The following GLIS3 variants were observed in gnomAD, a reference collection of about 807,000 sequenced individuals.
GLIS3 encodes the protein GLIS family zinc finger 3.
GLIS3 carries 53 observed loss-of-function variants against 78.6 expected under a neutral mutation model. That is an observed-to-expected ratio of 0.67 (90% CI 0.54 to 0.85). The LOEUF is 0.85. Ranked by LOEUF, GLIS3 falls within the 40% of genes least tolerant of loss-of-function variation. The pLI is 0.00. For synonymous variants in GLIS3, 684 were observed against 509.9 expected, an observed-to-expected ratio of 1.34 and a Z score of -4.60; for missense variants, 1,703 against 1,231.1, an observed-to-expected ratio of 1.38 and a Z score of -5.74.
chr9:4,021,867 A>C (rs474546), intron 4 of GLIS3, among the ~76,000 whole-genome samples: 3 of 152,096 alleles, frequency 2.0e-5, no homozygotes, highest in African/African-American at 7.3e-5. Flanking sequence ...CGGGCACAAC[A>C]TATCTCTAAC....
At chr9:4,110,737 C>G (rs1197234871) in intron 4 of GLIS3, among the ~76,000 whole-genome samples, 1 of 152,170 alleles carries the variant, frequency 6.6e-6, no homozygotes, top group Non-Finnish European at 1.5e-5. Flanking sequence ...CAAGCATTGT[C>G]TTATTGATGG....
chr9:3,873,139 C>T (rs1021069618), intron 8 of GLIS3, among the ~76,000 whole-genome samples: 2 of 152,122 alleles, frequency 1.3e-5, no homozygotes, highest in African/African-American at 4.8e-5. Flanking sequence ...AGATTCACAG[C>T]AAAATTCTAC....
chr9:4,254,909 A>T (rs1824771240), intron 2 of GLIS3, among the ~76,000 whole-genome samples: 1 of 152,208 alleles, frequency 6.6e-6, no homozygotes, highest in African/African-American at 2.4e-5. Flanking sequence ...TAAAGACAGA[A>T]GCCACAGACT....
intron 8 of GLIS3, among the ~76,000 whole-genome samples, chr9:3,876,655 AGAAAGAG>A (rs1563802928): frequency 4.8e-4 from 2 of 4,154 alleles, no homozygotes; most frequent in Non-Finnish European, 3.9e-4. Flanking sequence ...AGAGAGAGAG[AGAAAGAG>A]AGAGAGAAAG....
chr9:4,485,217 G>T, the GLIS3 span, among the ~76,000 whole-genome samples: 218 of 152,184 alleles, frequency 1.4e-3, no homozygotes, highest in Admixed American at 4.1e-3. Context: ...GTTTCACCAT[G>T]TTGGCCAGGC....
intron 4 of GLIS3, among the ~76,000 whole-genome samples, chr9:4,018,216 A>G (rs1291950829): frequency 6.6e-6 from 1 of 152,204 alleles, no homozygotes; most frequent in Admixed American, 6.5e-5. Context: ...CCTTTGTCAC[A>G]TCCTCACAGG....
intron 8 of GLIS3, among the ~76,000 whole-genome samples, chr9:3,875,016 CAG>C (rs1263986821): frequency 6.6e-6 from 1 of 152,104 alleles, no homozygotes; most frequent in Non-Finnish European, 1.5e-5. Flanking sequence ...AACACAAACT[CAG>C]AGGATTTATT....
At chr9:4,280,478 CCTTA>C (rs1056068963) in intron 2 of GLIS3, among the ~76,000 whole-genome samples, 1 of 152,000 alleles carries the variant, frequency 6.6e-6, no homozygotes, top group East Asian at 1.9e-4. Context: ...AAGTGGTTCA[CCTTA>C]CTTGAGAGAG....
chr9:4,037,547 A>AACACACACACACACACAC lies in GLIS3; in HGVS notation c.1710+80203_1710+80220dup, dbSNP rs56254712. Among the ~76,000 whole-genome samples, 249 of 147,476 alleles carry AACACACACACACACACAC rather than the reference A, an allele frequency of 1.7e-3. 1 individual carries two copies. The highest frequency in any genetic ancestry group is 5.4e-3 in the African/African-American group (214 of 39,510). On this transcript the variant is annotated intron_variant, in intron 4 of 10. Transcript: ENST00000381971. ...GCAGTGGGCAGATGTGTGTGCACAC[A>AACACACACACACACACAC]ACACACACACACACACACACACACA...
intron 4 of GLIS3, among the ~76,000 whole-genome samples, chr9:4,037,691 C>T (rs1824451608): frequency 1.3e-5 from 2 of 152,120 alleles, no homozygotes; most frequent in African/African-American, 4.8e-5. Flanking sequence ...AGGTAATAAC[C>T]TTGCCAACAG....
chr9:3,967,849 C>T (rs1818074567), intron 4 of GLIS3, among the ~76,000 whole-genome samples: 1 of 152,172 alleles, frequency 6.6e-6, no homozygotes, highest in Admixed American at 6.5e-5. Context: ...GGACAGGCAC[C>T]AAGCTCTTCA....
At chr9:4,486,453 C>G in the GLIS3 span, among the ~76,000 whole-genome samples, 1 of 152,176 alleles carries the variant, frequency 6.6e-6, no homozygotes, top group South Asian at 2.1e-4. Context: ...ATCCCCTCAG[C>G]AATTCCTCTT....
intron 4 of GLIS3, among the ~76,000 whole-genome samples, chr9:4,053,332 C>A (rs1825874375): frequency 6.6e-6 from 1 of 152,108 alleles, no homozygotes; most frequent in Admixed American, 6.6e-5. Flanking sequence ...TCATCCAGGC[C>A]CAGCTCACTG....
At chr9:3,981,286 A>G (rs943365515) in intron 4 of GLIS3, among the ~76,000 whole-genome samples, 56 of 152,238 alleles carry the variant, frequency 3.7e-4, no homozygotes, top group African/African-American at 1.3e-3. Context: ...TACATGAATC[A>G]GAAAGTGAGT....
intron 6 of GLIS3, among the ~76,000 whole-genome samples, chr9:3,911,071 T>C (rs936036220): frequency 3.9e-5 from 6 of 152,190 alleles, no homozygotes; most frequent in East Asian, 1.9e-4. Flanking sequence ...AAATAGTTAA[T>C]AGCTTTTTAA....
intron 2 of GLIS3, among the ~76,000 whole-genome samples, chr9:4,202,092 C>T (rs915453744): frequency 1.2e-4 from 18 of 151,746 alleles, no homozygotes; most frequent in Admixed American, 6.6e-5. Flanking sequence ...GAGCCAAGGT[C>T]ACGCCACTAC....
intron 2 of GLIS3, among the ~76,000 whole-genome samples, chr9:4,153,561 C>T (rs1207694372): frequency 4.6e-5 from 7 of 152,064 alleles, no homozygotes; most frequent in Admixed American, 4.6e-4. Flanking sequence ...GAGACTCTGT[C>T]TCAAAATATA....
At chr9:4,351,710 C>G (rs543686437), upstream of GLIS3, among the ~76,000 whole-genome samples, 1 of 152,178 alleles carries the variant, frequency 6.6e-6, no homozygotes, top group East Asian at 1.9e-4. Flanking sequence ...CTAGGGAGCA[C>G]AAATGATACC....
intron 4 of GLIS3, chr9:4,035,784 T>G (rs1824248891): frequency 6.6e-6 from 1 of 152,366 alleles, no homozygotes; most frequent in African/African-American, 2.4e-5. Context: ...TTCCTGTACT[T>G]GACCCAAACG....
Sources: gnomAD v4.1 joint callset for allele counts (sites outside exome capture counted in the v4.1 genomes callset) on GRCh38, gnomAD v4.1.1 for gene constraint, MANE v1.5 for transcripts, NCBI Gene and HGNC (gene_info 2026-07-23, HGNC 2026-07-21) for gene names.